Variants in NBAS observed in about 807,000 individuals in gnomAD.
NBAS encodes the protein NAG/BC035112 fusion.
NBAS carries 219 observed loss-of-function variants against 302.5 expected under a neutral mutation model. The observed-to-expected ratio is 0.72, with a 90% CI of 0.65 to 0.81. The LOEUF (loss-of-function observed/expected upper bound fraction) is 0.81. Among genes scored for constraint, NBAS ranks in the 30% least tolerant of loss-of-function variants. The probability of loss-of-function intolerance (pLI) is 0.00; values close to 1 mark genes in which losing one functional copy is unlikely to be tolerated. For synonymous variants in NBAS, 1,118 were observed against 1,021.6 expected (o/e 1.09, Z -1.80); for missense variants, 2,932 against 2,841.6 (o/e 1.03, Z -0.72).
the NBAS span, among the ~76,000 whole-genome samples, chr2:14,851,135 C>T: frequency 7.6e-6 from 1 of 131,726 alleles, no homozygotes; most frequent in East Asian, 1.9e-4. Context: ...ATCAATGAAT[C>T]CAGGAGCTGG....
chr2:15,168,518 C>CT (rs1664141433), intron 51 of NBAS, among the ~76,000 whole-genome samples: 1 of 152,240 alleles, frequency 6.6e-6, no homozygotes, highest in African/African-American at 2.4e-5. Context: ...CTGACATTTT[C>CT]TTTAACTCTC....
intron 7 of NBAS, among the ~76,000 whole-genome samples, chr2:15,536,941 C>T (rs1000160854): frequency 5.3e-5 from 8 of 152,156 alleles, no homozygotes; most frequent in Admixed American, 1.3e-4. Flanking sequence ...CAGTAGCCTG[C>T]GGTAAAAAAG....
chr2:14,964,387 T>A, the NBAS span, among the ~76,000 whole-genome samples: 1 of 152,180 alleles, frequency 6.6e-6, no homozygotes, highest in Non-Finnish European at 1.5e-5. Flanking sequence ...CTGGATGGGA[T>A]GAATGGCAGT....
intron 44 of NBAS, among the ~76,000 whole-genome samples, chr2:15,256,525 T>C (rs1353134198): frequency 6.6e-6 from 1 of 152,276 alleles, no homozygotes; most frequent in South Asian, 2.1e-4. Flanking sequence ...TTTACCAATA[T>C]GGACACCCTT....
chr2:15,307,279 A>C (rs978536646), intron 40 of NBAS, among the ~76,000 whole-genome samples: 2 of 152,340 alleles, frequency 1.3e-5, no homozygotes, highest in Non-Finnish European at 2.9e-5. Context: ...CTGAGTTTGG[A>C]AAGAGTGATG....
At chr2:14,819,816 G>GA in the NBAS span, among the ~76,000 whole-genome samples, 4 of 152,174 alleles carry the variant, frequency 2.6e-5, no homozygotes, top group East Asian at 1.9e-4. Context: ...AACTCTATAG[G>GA]AAAAAATCTA....
intron 38 of NBAS, among the ~76,000 whole-genome samples, chr2:15,312,683 A>G (rs1227594246): frequency 1.3e-5 from 2 of 152,134 alleles, no homozygotes; most frequent in African/African-American, 4.8e-5. Flanking sequence ...GGACACTGCC[A>G]CTCAAATGCT....
the NBAS span, among the ~76,000 whole-genome samples, chr2:14,779,765 A>T: frequency 6.6e-6 from 1 of 152,198 alleles, no homozygotes; most frequent in Non-Finnish European, 1.5e-5. Flanking sequence ...CTGGGCTGTG[A>T]CCTGAGGAAA....
chr2:15,529,450 G>A (rs547411381), intron 9 of NBAS, among the ~76,000 whole-genome samples: 80 of 152,114 alleles, frequency 5.3e-4, no homozygotes, highest in African/African-American at 1.6e-3. Flanking sequence ...CCAAAATCAC[G>A]CACTGGACTC....
intron 21 of NBAS, among the ~76,000 whole-genome samples, chr2:15,452,602 A>C (rs1679077167): frequency 6.6e-6 from 1 of 152,174 alleles, no homozygotes; most frequent in Admixed American, 6.5e-5. Flanking sequence ...AAAAAAAAAA[A>C]AAGTGTATCA....
At chr2:15,072,511 G>A in the NBAS span, among the ~76,000 whole-genome samples, 2 of 152,076 alleles carry the variant, frequency 1.3e-5, no homozygotes, top group African/African-American at 4.8e-5. Flanking sequence ...ATTTTATCTA[G>A]TCAAATCCAT....
At chr2:15,068,475 G>A in the NBAS span, among the ~76,000 whole-genome samples, 1 of 152,206 alleles carries the variant, frequency 6.6e-6, no homozygotes, top group Admixed American at 6.5e-5. Context: ...ACCAGGATGA[G>A]AGGCAAAAGC....
intron 42 of NBAS, among the ~76,000 whole-genome samples, chr2:15,279,177 C>T (rs1263822887): frequency 6.6e-6 from 1 of 152,144 alleles, no homozygotes; most frequent in Non-Finnish European, 1.5e-5. Context: ...GGCAGAACAA[C>T]ATGCCAAAAG....
At chr2:15,550,599 T>C (rs1664334060) in intron 6 of NBAS, among the ~76,000 whole-genome samples, 1 of 151,712 alleles carries the variant, frequency 6.6e-6, no homozygotes, top group African/African-American at 2.4e-5. Flanking sequence ...TTCTTTTTTT[T>C]TTTTTGAGAC....
intron 51 of NBAS, among the ~76,000 whole-genome samples, chr2:15,169,227 G>A (rs1664177627): frequency 6.6e-6 from 1 of 152,022 alleles, no homozygotes. Flanking sequence ...GCCCACCTTT[G>A]ACCCCACCTT....
chr2:15,483,165 T>C (rs1409902218), intron 12 of NBAS: 1 of 156,512 alleles, frequency 6.4e-6, no homozygotes, highest in African/African-American at 2.4e-5. Context: ...TTTCAAAGGC[T>C]TATTCATTCC....
In NBAS at chr2:15,548,252, A is replaced by G. The variant is rs1277709455; in HGVS notation, c.379+3241T>C. On this transcript the variant is annotated intron_variant, in intron 6 of 51. Coordinates refer to ENST00000281513, the MANE Select transcript of NBAS (RefSeq NM_015909.4). The stretch of plus-strand genomic sequence containing the variant: ...CTACGATGTGTCAGGCACCGTGCTA[A>G]GCACGAAAAAAAAAAGTTATATTGG... Among the ~76,000 whole-genome samples the G allele has an allele frequency of 3.9e-5, 6 of 152,188 alleles. No individual in the cohort carries two copies. The South Asian group carries it at 1.2e-3, about 31-fold the overall frequency.
intron 32 of NBAS, among the ~76,000 whole-genome samples, chr2:15,364,871 G>C (rs1158985212): frequency 6.6e-6 from 1 of 152,042 alleles, no homozygotes; most frequent in Non-Finnish European, 1.5e-5. Context: ...CTCTTTTTCT[G>C]GAGAGAGAAA....
intron 44 of NBAS, among the ~76,000 whole-genome samples, chr2:15,271,458 G>T (rs1198622232): frequency 6.6e-6 from 1 of 152,144 alleles, no homozygotes. Context: ...ACAAACGGTG[G>T]GAGTTGGAAA....
Sources: gnomAD v4.1 joint callset for allele counts (sites outside exome capture counted in the v4.1 genomes callset) on GRCh38, gnomAD v4.1.1 for gene constraint, MANE v1.5 for transcripts, NCBI Gene and HGNC (gene_info 2026-07-23, HGNC 2026-07-21) for gene names.